The following GMDS variants were observed in gnomAD, a reference collection of about 807,000 sequenced individuals.
GMDS encodes the protein GDP-mannose 4,6-dehydratase.
A neutral mutation model predicts 49.9 loss-of-function variants in GMDS; 20 were observed. The observed-to-expected ratio is 0.40, with a 90% confidence interval of 0.28 to 0.58. GMDS has a LOEUF of 0.58. Ranked by LOEUF, GMDS falls within the 20% of genes least tolerant of loss-of-function variation. The probability of loss-of-function intolerance (pLI) is 0.42; values close to 1 mark genes in which losing one functional copy is unlikely to be tolerated. For missense variants in GMDS, 362 were observed against 481.4 expected (o/e 0.75, Z 2.32); for synonymous variants, 177 against 178.6 (o/e 0.99, Z 0.07).
chr6:1,630,075 T>C (rs1762954550), intron 9 of GMDS, among the ~76,000 whole-genome samples: 1 of 152,240 alleles, frequency 6.6e-6, no homozygotes, highest in Admixed American at 6.5e-5. Context: ...TTTTTTCATT[T>C]ATATTTTAAA....
chr6:2,188,601 G>A lies in GMDS; in HGVS notation c.102+56720C>T, dbSNP rs148549076. On this transcript the variant is annotated intron_variant, in intron 1 of 10. Transcript: ENST00000380815. ...AAAGATTTCAAGTTATTGCTTCATC[G>A]ACAATGGTTAGGTTCCTCACTAAGT... is the stretch of plus-strand genomic sequence containing the variant. Among the ~76,000 whole-genome samples, 7 of 152,274 alleles carry A rather than the reference G, an allele frequency of 4.6e-5. No homozygotes were observed. The East Asian group carries it at 7.7e-4, about 17-fold the overall frequency.
chr6:1,915,676 G>C (rs1431417852), intron 7 of GMDS, among the ~76,000 whole-genome samples: 1 of 152,218 alleles, frequency 6.6e-6, no homozygotes, highest in Admixed American at 6.5e-5. Context: ...CCAGCACAAG[G>C]GTCGGCCGAA....
At chr6:1,646,961 C>A (rs892554920) in intron 9 of GMDS, among the ~76,000 whole-genome samples, 1 of 152,312 alleles carries the variant, frequency 6.6e-6, no homozygotes, top group East Asian at 1.9e-4. Context: ...AAAAAGACCA[C>A]CTTGATGGCT....
chr6:1,930,187 C>T lies in GMDS; in HGVS notation c.687G>A (p.Lys229=). The T allele has an allele frequency of 6.2e-7, 1 of 1,612,852 alleles. No homozygotes were observed. Among genetic ancestry groups the T allele is most frequent in the Non-Finnish European group, 8.5e-7 (1 of 1,179,156 alleles). Residue 229 remains lysine, a synonymous_variant, in exon 7 of 11, where the codon AAG becomes AAA. Transcript: ENST00000380815. ...AACATTCCAGTTGTCCAAGGTAAAT[C>T]TTAGCTACTGACCGGCTAATTTTTC... ...VTRKISRSVA[K]IYLGQLECFS...
chr6:1,905,619 G>A lies in GMDS; in HGVS notation c.771+24484C>T, dbSNP rs539184855. Reference sequence around the variant, plus strand: ...TTGGTGTGTAGGTGGGACCTCAAAGGTACCTGTGCATCTGCATGTGGGGCC... The same window carrying A: ...TTGGTGTGTAGGTGGGACCTCAAAGATACCTGTGCATCTGCATGTGGGGCC... On this transcript the variant is annotated intron_variant, in intron 7 of 10. Transcript: ENST00000380815. Among the ~76,000 whole-genome samples the A allele has an allele frequency of 1.5e-4, 20 of 136,094 alleles. 1 individual carries two copies. Among genetic ancestry groups the A allele is most frequent in the Admixed American group, 6.5e-4 (9 of 13,838 alleles). The allele number at this position is 136,094 out of a possible 152,430, so 89.3% of individuals were successfully genotyped here.
intron 7 of GMDS, among the ~76,000 whole-genome samples, chr6:1,799,783 C>A (rs908276932): frequency 6.6e-6 from 1 of 152,118 alleles, no homozygotes; most frequent in African/African-American, 2.4e-5. Flanking sequence ...AGGGTTACAG[C>A]CTACGAAACA....
At chr6:1,720,539 A>G (rs1162635986) in intron 9 of GMDS, among the ~76,000 whole-genome samples, 1 of 152,204 alleles carries the variant, frequency 6.6e-6, no homozygotes, top group African/African-American at 2.4e-5. Context: ...TCAGAGAATA[A>G]TTACAAAAGA....
intron 9 of GMDS, among the ~76,000 whole-genome samples, chr6:1,627,098 C>G (rs1285058961): frequency 6.6e-6 from 1 of 152,230 alleles, no homozygotes; most frequent in African/African-American, 2.4e-5. Context: ...CATTGGCTCT[C>G]TATGCCAGCT....
intron 4 of GMDS, among the ~76,000 whole-genome samples, chr6:2,017,786 C>G (rs1450296358): frequency 1.3e-5 from 2 of 151,842 alleles, no homozygotes; most frequent in Non-Finnish European, 1.5e-5. Flanking sequence ...ATACTGCATT[C>G]TTAACAACAA....
At chr6:2,029,444 A>G (rs1222273122) in intron 4 of GMDS, among the ~76,000 whole-genome samples, 1 of 152,200 alleles carries the variant, frequency 6.6e-6, no homozygotes, top group Non-Finnish European at 1.5e-5. Context: ...AAGAGATATT[A>G]AAAGCAGATA....
intron 1 of GMDS, among the ~76,000 whole-genome samples, chr6:2,157,814 T>C (rs943286340): frequency 1.3e-5 from 2 of 152,234 alleles, no homozygotes; most frequent in South Asian, 2.1e-4. Context: ...AATACAATTA[T>C]ATGTTTCAGC....
At chr6:2,141,249 T>A (rs1389146982) in intron 1 of GMDS, among the ~76,000 whole-genome samples, 6 of 152,176 alleles carry the variant, frequency 3.9e-5, no homozygotes, top group Non-Finnish European at 8.8e-5. Context: ...AGTATGGATC[T>A]TCCTGTGGAG....
At chr6:2,220,884 G>C (rs1780554528) in intron 1 of GMDS, among the ~76,000 whole-genome samples, 1 of 152,172 alleles carries the variant, frequency 6.6e-6, no homozygotes, top group Admixed American at 6.5e-5. Context: ...CTTCTAAGAA[G>C]GGATGTACAA....
chr6:1,850,482 G>A (rs1042087806), intron 7 of GMDS, among the ~76,000 whole-genome samples: 1 of 152,120 alleles, frequency 6.6e-6, no homozygotes, highest in Non-Finnish European at 1.5e-5. Context: ...TATTTGATGA[G>A]CCTTACAATA....
In GMDS at chr6:1,999,970, T is replaced by TTATATA. The variant is rs368304514; in HGVS notation, c.346-39010_346-39005dup. Reference sequence around the variant, plus strand: ...ATATAATATGTATATTATATATATATTATATATATATTTTATATATATATA... The same window carrying TTATATA: ...ATATAATATGTATATTATATATATATTATATATATATATATATTTTATATATATATA... On this transcript the variant is annotated intron_variant, in intron 4 of 10. Transcript: ENST00000380815. Among the ~76,000 whole-genome samples the TTATATA allele has an allele frequency of 6.3e-4, 7 of 11,192 alleles. 1 individual carries two copies. In the South Asian group the frequency reaches 0.015, roughly 24 times the overall value. The allele number at this position is 11,192 out of a possible 152,430, so 7.3% of individuals were successfully genotyped here. A position where few individuals can be genotyped will look rare whatever the true frequency, so the allele number is the denominator to read the frequency against.
intron 1 of GMDS, among the ~76,000 whole-genome samples, chr6:2,220,491 G>A (rs1055945823): frequency 2.0e-5 from 3 of 152,138 alleles, no homozygotes; most frequent in Admixed American, 6.5e-5. Flanking sequence ...TTGCTTATAC[G>A]TAGCATATAA....
chr6:1,642,126 T>C (rs1763348828), intron 9 of GMDS, among the ~76,000 whole-genome samples: 1 of 149,502 alleles, frequency 6.7e-6, no homozygotes, highest in Non-Finnish European at 1.5e-5. Context: ...CAAGCCTCAA[T>C]TCTCTTGAAA....
At chr6:1,749,871 A>G (rs1161690611) in intron 7 of GMDS, among the ~76,000 whole-genome samples, 1 of 152,136 alleles carries the variant, frequency 6.6e-6, no homozygotes, top group Non-Finnish European at 1.5e-5. Flanking sequence ...TTACCCTGTC[A>G]CCCAGACTGT....
At position 1,812,503 on chromosome 6, in the gene GMDS, G is replaced by A. The variant is rs531833918; in HGVS notation, c.772-69917C>T. Among the ~76,000 whole-genome samples, 6 of 151,884 alleles carry A rather than the reference G, an allele frequency of 4.0e-5. No individual in the cohort carries two copies. In the South Asian group the frequency reaches 1.3e-3, roughly 32 times the overall value. On this transcript the variant is annotated intron_variant, in intron 7 of 10. Transcript: ENST00000380815. ...GATCTGAGGGGAAAAAAAGAAGAAA[G>A]GGCAGAGGAAAGAAAGGCAAGGGGG...
Sources: gnomAD v4.1 joint callset for allele counts (sites outside exome capture counted in the v4.1 genomes callset) on GRCh38, gnomAD v4.1.1 for gene constraint, MANE v1.5 for transcripts, NCBI Gene and HGNC (gene_info 2026-07-23, HGNC 2026-07-21) for gene names.